The following DNM1 variants were observed in gnomAD, a reference collection of about 807,000 sequenced individuals.
DNM1 encodes dynamin-1.
A neutral mutation model predicts 104.6 loss-of-function variants in DNM1; 29 were observed. The ratio of observed to expected loss-of-function variants is 0.28; its 90% CI spans 0.21 to 0.38. DNM1 has a LOEUF of 0.38. Ranked by LOEUF, DNM1 falls within the 10% of genes least tolerant of loss-of-function variation. The probability of loss-of-function intolerance (pLI) is 1.00; values close to 1 mark genes in which losing one functional copy is unlikely to be tolerated. For synonymous variants in DNM1, 445 were observed against 475.8 expected (o/e 0.94, Z 0.84); for missense variants, 640 against 1,189.4 (o/e 0.54, Z 6.79).
At position 128,219,132 on chromosome 9, in the gene DNM1, C is replaced by G; in HGVS notation, c.469C>G (p.Arg157Gly). The change falls in exon 4 of 22, where the codon CGA becomes GGA. Residue 157 changes from arginine (R) to glycine (G), a missense_variant. Arg to Gly is a moderately radical substitution (Grantham distance 125). This residue lies in a region of DNM1 where 172 missense variants were observed against 335.3 expected (regional missense o/e 0.51). Transcript: ENST00000372923. ...ACCTCCCGACATCGAGTTCCAGATC[C>G]GAGACATGCTTATGCAGTTTGTCAC... ...DQPPDIEFQI[R>G]DMLMQFVTKE... 2 of 1,614,192 alleles carry G rather than the reference C, an allele frequency of 1.2e-6. No individual in the cohort carries two copies. The highest frequency in any genetic ancestry group is 1.3e-5 in the African/African-American group (1 of 75,058).
Position 128,220,314 on chromosome 9 carries a change from G to A in DNM1, c.822G>A (p.Thr274=), listed in dbSNP as rs765410948. 2.0e-5 allele frequency: 32 copies of A among 1,613,978 alleles called. No individual in the cohort carries two copies. The highest frequency in any genetic ancestry group is 6.7e-5 in the East Asian group (3 of 44,898). The change falls in exon 6 of 22, where the codon ACG becomes ACA. Residue 274 remains threonine, a synonymous_variant. Transcript: ENST00000372923. This position sits in a 1 kb window ranked among gnomAD's most constrained non-coding sequence, Gnocchi z 5.2. ...GCCACTTGGCTGACCGTATGGGCAC[G>A]CCCTACCTGCAGAAGGTCCTCAATC... ...SYRHLADRMG[T]PYLQKVLNQQ...
chr9:128,253,190 A>C lies in DNM1; in HGVS notation c.2535-1464A>C, dbSNP rs545233506. ...ATGAACGGTGTGTCTGCCCCGCTGC[A>C]CTAGCTCCACACGGGGCGCGCACCT... On this transcript the variant is annotated intron_variant, in intron 21 of 21. Transcript: ENST00000372923. The surrounding 1 kb of genome is among the most constrained non-coding windows in gnomAD (Gnocchi z 5.9). 51 of 1,568,818 alleles carry C rather than the reference A, an allele frequency of 3.3e-5. No individual in the cohort carries two copies. In the Admixed American group the frequency reaches 7.0e-4, roughly 22 times the overall value.
intron 10 of DNM1, among the ~76,000 whole-genome samples, chr9:128,230,727 C>T (rs1835633306): frequency 6.6e-6 from 1 of 152,152 alleles, no homozygotes; most frequent in African/African-American, 2.4e-5. Context: ...GCTGGGATTA[C>T]AAGCATGAGC....
Position 128,224,236 on chromosome 9 carries a change from G to T in DNM1, c.1197-15G>T. On this transcript the variant is annotated splice_polypyrimidine_tract_variant and intron_variant, in intron 9 of 21. Transcript: ENST00000372923. This position sits in a 1 kb window ranked among gnomAD's most constrained non-coding sequence, Gnocchi z 4.3. ...GCCTGTGACACTCTGCCCTTCTCCC[G>T]CTCCGGGCGTTCAGAACGGGGCTGT... 2 of 1,611,088 alleles carry T rather than the reference G, an allele frequency of 1.2e-6. No homozygotes were observed. The highest frequency in any genetic ancestry group is 8.5e-7 in the Non-Finnish European group (1 of 1,178,466).
chr9:128,254,168 G>T lies in DNM1; in HGVS notation c.2535-486G>T. The T allele has an allele frequency of 7.7e-7, 1 of 1,306,450 alleles. No individual in the cohort carries two copies. Among genetic ancestry groups the T allele is most frequent in the Middle Eastern group, 2.8e-4 (1 of 3,548 alleles). The allele number at this position is 1,306,450 out of a possible 1,614,324, so 80.9% of individuals were successfully genotyped here. On this transcript the variant is annotated intron_variant, in intron 21 of 21. Coordinates refer to ENST00000372923, the MANE Select transcript of DNM1 (RefSeq NM_004408.4). This position sits in a 1 kb window ranked among gnomAD's most constrained non-coding sequence, Gnocchi z 6.1. ...CCTGGGTTTTCTGAACACCCAGAGG[G>T]GCCTCCGGCGCTCCCTCCAGCCATC...
chr9:128,204,398 C>G (rs955626106), intron 1 of DNM1: 1 of 152,332 alleles, frequency 6.6e-6, no homozygotes, highest in Admixed American at 6.5e-5. Flanking sequence ...GGAGAGGCGG[C>G]AGAGGGCAGA....
rs61020870 is a variant in DNM1 at position 128,220,742 on chromosome 9, C to CGCGCGCGCGCGTGTGTGTGTGTGTGTGT, written c.849+402_849+403insCGCGCGCGCGTGTGTGTGTGTGTGTGTG. ...CAGAACTGAAGTGCGCGCGCGCGCG[C>CGCGCGCGCGCGTGTGTGTGTGTGTGTGT]GTGTGTGTGTGTGTGTGTGTGTGTG... is the stretch of plus-strand genomic sequence containing the variant. On this transcript the variant is annotated intron_variant, in intron 6 of 21. Coordinates refer to ENST00000372923, the MANE Select transcript of DNM1 (RefSeq NM_004408.4). This position sits in a 1 kb window ranked among gnomAD's most constrained non-coding sequence, Gnocchi z 5.2. 1.5e-5 allele frequency among the ~76,000 whole-genome samples: 2 copies of CGCGCGCGCGCGTGTGTGTGTGTGTGTGT among 136,278 alleles called. No homozygotes were observed. The highest frequency in any genetic ancestry group is 5.3e-5 in the African/African-American group (2 of 37,720). The allele number at this position is 136,278 out of a possible 152,430, so 89.4% of individuals were successfully genotyped here. A position where few individuals can be genotyped will look rare whatever the true frequency, so the allele number is the denominator to read the frequency against.
chr9:128,211,500 T>TTTTTTTTTTTG (rs1834299248), intron 1 of DNM1, among the ~76,000 whole-genome samples: 1 of 99,700 alleles, frequency 1.0e-5, no homozygotes, highest in Non-Finnish European at 2.1e-5. Context: ...TTTTTTTTTC[T>TTTTTTTTTTTG]GTACAGACAG....
intron 21 of DNM1, chr9:128,252,002 G>A (rs1829561728): frequency 5.8e-6 from 1 of 172,302 alleles, no homozygotes; most frequent in Non-Finnish European, 1.2e-5. Context: ...GATGCGTAGA[G>A]GCAAGCAGCA....
At position 128,250,706 on chromosome 9, in the gene DNM1, C is replaced by T. The variant is rs1829467500; in HGVS notation, c.2319-19C>T. 4 of 1,457,820 alleles carry T rather than the reference C, an allele frequency of 2.7e-6. No homozygotes were observed. Among genetic ancestry groups the T allele is most frequent in the Non-Finnish European group, 1.8e-6 (2 of 1,111,088 alleles). The allele number at this position is 1,457,820 out of a possible 1,614,324, so 90.3% of individuals were successfully genotyped here. ...GCTCATCTCGCCTCTCCTTGTTCCTCGCTCCCTGTCGCCCTCAGGTCGCCC... is the reference window on the plus strand; with the variant it reads ...GCTCATCTCGCCTCTCCTTGTTCCTTGCTCCCTGTCGCCCTCAGGTCGCCC... On this transcript the variant is annotated intron_variant, in intron 20 of 21. Transcript: ENST00000372923.
Position 128,218,696 on chromosome 9 carries a change from C to G in DNM1, c.350C>G (p.Pro117Arg), listed in dbSNP as rs776104715. The G allele has an allele frequency of 4.3e-6, 7 of 1,610,434 alleles. No homozygotes were observed. The highest frequency in any genetic ancestry group is 1.7e-4 in the Middle Eastern group (1 of 6,058). ...ACCGGCACCAACAAGGGCATCTCGC[C>G]GGTGCCTATCAACCTCCGCGTCTAC... is the stretch of plus-strand genomic sequence containing the variant. ...RVTGTNKGIS[P>R]VPINLRVYSP... Residue 117 changes from proline to arginine, a missense_variant, in exon 3 of 22, where the codon CCG becomes CGG. Transcript: ENST00000372923. This position sits in a 1 kb window ranked among gnomAD's most constrained non-coding sequence, Gnocchi z 4.8.
rs1477637279 is a variant in DNM1 at position 128,203,527 on chromosome 9, C to T, written c.57C>T (p.Ala19=). The T allele has an allele frequency of 6.5e-7, 1 of 1,544,092 alleles. No homozygotes were observed. The change falls in exon 1 of 22, where the codon GCC becomes GCT. Residue 19 remains alanine, a synonymous_variant. Coordinates refer to ENST00000372923, the MANE Select transcript of DNM1 (RefSeq NM_004408.4). The surrounding 1 kb of genome is among the most constrained non-coding windows in gnomAD (Gnocchi z 5.3). ...LIPLVNRLQD[A]FSAIGQNADL... Reference sequence around the variant, plus strand: ...CGCTGGTCAACCGGCTGCAAGACGCCTTCTCTGCCATCGGCCAGAACGCGG... The same window carrying T: ...CGCTGGTCAACCGGCTGCAAGACGCTTTCTCTGCCATCGGCCAGAACGCGG...
chr9:128,237,152 G>A (rs971674982), intron 11 of DNM1, among the ~76,000 whole-genome samples: 2 of 152,204 alleles, frequency 1.3e-5, no homozygotes, highest in Non-Finnish European at 2.9e-5. Context: ...TCTGAACCTG[G>A]AAGTCTTTGT....
rs199620094 is a variant in DNM1 at position 128,253,171 on chromosome 9, G to C, written c.2535-1483G>C. 1.3e-6 allele frequency: 2 copies of C among 1,597,060 alleles called. No homozygotes were observed. The highest frequency in any genetic ancestry group is 1.7e-6 in the Non-Finnish European group (2 of 1,177,536). On this transcript the variant is annotated intron_variant, in intron 21 of 21. Transcript: ENST00000372923. The surrounding 1 kb of genome is among the most constrained non-coding windows in gnomAD (Gnocchi z 5.9). ...ATGCCTCACCGCCTGCTGCATGAAC[G>C]GTGTGTCTGCCCCGCTGCACTAGCT...
chr9:128,251,007 G>A, intron 21 of DNM1, 67 bp downstream of exon 21: 2 of 1,021,458 alleles, frequency 2.0e-6, no homozygotes, highest in African/African-American at 1.6e-5. Context: ...AAATGGGGCT[G>A]GATTCCAGAG....
chr9:128,218,420 C>T lies in DNM1; in HGVS notation c.235+116C>T, dbSNP rs546605302. The T allele has an allele frequency of 1.4e-6, 2 of 1,441,484 alleles. No individual in the cohort carries two copies. Among genetic ancestry groups the T allele is most frequent in the East Asian group, 4.6e-5 (2 of 43,858 alleles). The allele number at this position is 1,441,484 out of a possible 1,614,324, so 89.3% of individuals were successfully genotyped here. A position where few individuals can be genotyped will look rare whatever the true frequency, so the allele number is the denominator to read the frequency against. The stretch of plus-strand genomic sequence containing the variant: ...TTGCTGTGTGACTGTGGGCCTCGTT[C>T]CCCTTAGGGATAGCGGGGATCAAAA... On this transcript the variant is annotated intron_variant, in intron 2 of 21. Transcript: ENST00000372923. The surrounding 1 kb of genome is among the most constrained non-coding windows in gnomAD (Gnocchi z 4.8).
intron 1 of DNM1, among the ~76,000 whole-genome samples, chr9:128,211,385 T>C (rs754519696): frequency 6.6e-6 from 1 of 151,962 alleles, no homozygotes; most frequent in Non-Finnish European, 1.5e-5. Flanking sequence ...CTGAATATAT[T>C]ACAGTGCGTG....
At chr9:128,226,056 C>T (rs1308966671) in intron 10 of DNM1, 1 of 1,612,648 alleles carries the variant, frequency 6.2e-7, no homozygotes, top group African/African-American at 1.3e-5. Flanking sequence ...TCACACCTGA[C>T]CTCGCTTTTG....
intron 1 of DNM1, among the ~76,000 whole-genome samples, chr9:128,217,851 G>A (rs1282825531): frequency 6.6e-6 from 1 of 152,168 alleles, no homozygotes; most frequent in Admixed American, 6.5e-5. Context: ...TCTGTTTCCT[G>A]GGATCCACTC....
Sources: allele counts gnomAD v4.1 joint callset (sites outside exome capture counted in the v4.1 genomes callset), GRCh38; gene constraint gnomAD v4.1.1; regional missense constraint gnomAD v4.1.1; non-coding constraint Gnocchi (gnomAD v3.1); transcripts MANE v1.5; gene names NCBI Gene and HGNC (gene_info 2026-07-23, HGNC 2026-07-21).